Variants in SCMH1 observed in about 807,000 individuals in gnomAD.
SCMH1 encodes the protein Scm polycomb group protein homolog 1, also known as polycomb protein SCMH1.
A neutral mutation model predicts 70.8 loss-of-function variants in SCMH1; 37 were observed. That is an observed-to-expected ratio of 0.52 (90% confidence interval 0.40 to 0.69). The LOEUF (loss-of-function observed/expected upper bound fraction) is 0.69. Among genes scored for constraint, SCMH1 ranks in the 30% least tolerant of loss-of-function variants. The pLI, the probability that SCMH1 is intolerant of heterozygous loss-of-function variation, is 0.00. For missense variants in SCMH1, 607 were observed against 827.3 expected, an observed-to-expected ratio of 0.73 and a Z score of 3.27; for synonymous variants, 292 against 307.4, an observed-to-expected ratio of 0.95 and a Z score of 0.52.
At chr1:41,068,506 A>C (rs1357497863) in intron 10 of SCMH1, among the ~76,000 whole-genome samples, 1 of 152,158 alleles carries the variant, frequency 6.6e-6, no homozygotes, top group Non-Finnish European at 1.5e-5. Flanking sequence ...CCTCGGCTCA[A>C]GCAGTTCTCA....
chr1:41,227,870 T>C (rs1660569625), intron 1 of SCMH1, among the ~76,000 whole-genome samples: 1 of 151,928 alleles, frequency 6.6e-6, no homozygotes, highest in Non-Finnish European at 1.5e-5. Context: ...CCCAGCTACT[T>C]GGGAGGCTGA....
intron 10 of SCMH1, among the ~76,000 whole-genome samples, chr1:41,054,839 G>T (rs77213736): frequency 0.011 from 1,613 of 152,274 alleles, 36 homozygotes; most frequent in African/African-American, 0.036. Flanking sequence ...GAGTGCAGTG[G>T]CATGCATGAT....
intron 6 of SCMH1, among the ~76,000 whole-genome samples, chr1:41,137,319 C>T (rs1490315737): frequency 6.6e-6 from 1 of 152,104 alleles, no homozygotes; most frequent in Non-Finnish European, 1.5e-5. Flanking sequence ...TGTTTATTAT[C>T]ATCGTGTTTT....
At chr1:41,123,251 A>T (rs1672383751) in intron 6 of SCMH1, among the ~76,000 whole-genome samples, 1 of 152,222 alleles carries the variant, frequency 6.6e-6, no homozygotes, top group Non-Finnish European at 1.5e-5. Context: ...GTGGAGCAGC[A>T]GGACTATAAT....
chr1:41,215,642 A>T (rs983696175), intron 1 of SCMH1, among the ~76,000 whole-genome samples: 2 of 152,130 alleles, frequency 1.3e-5, no homozygotes, highest in Non-Finnish European at 2.9e-5. Flanking sequence ...CTCAGAAATC[A>T]ATGAGTCCCC....
At chr1:41,150,689 C>A (rs1644991209) in intron 5 of SCMH1, among the ~76,000 whole-genome samples, 2 of 152,116 alleles carry the variant, frequency 1.3e-5, no homozygotes, top group African/African-American at 4.8e-5. Context: ...GTAATCCCAG[C>A]ACTTTGGGAG....
chr1:41,120,349 C>G (rs757490058), intron 6 of SCMH1, among the ~76,000 whole-genome samples: 1 of 152,102 alleles, frequency 6.6e-6, no homozygotes, highest in Non-Finnish European at 1.5e-5. Flanking sequence ...CCATTTCTTA[C>G]TCAATATTTG....
chr1:41,038,523 G>T (rs9326087), intron 12 of SCMH1, among the ~76,000 whole-genome samples: 129,432 of 152,236 alleles, frequency 0.85, 55,530 homozygotes, highest in East Asian at 0.97. Context: ...TTGAGCACAT[G>T]GTTTGGCACA....
chr1:41,192,649 G>A (rs1652007212), intron 1 of SCMH1, among the ~76,000 whole-genome samples: 1 of 152,092 alleles, frequency 6.6e-6, no homozygotes, highest in Non-Finnish European at 1.5e-5. Context: ...CAGGCCCGGA[G>A]TGTTTACTTC....
At chr1:41,076,372 A>G (rs1453140363) in intron 8 of SCMH1, among the ~76,000 whole-genome samples, 1 of 152,116 alleles carries the variant, frequency 6.6e-6, no homozygotes, top group East Asian at 1.9e-4. Context: ...TTTTTCCTTA[A>G]ACTGAGAATT....
At chr1:41,237,424 A>T (rs1662606510) in intron 1 of SCMH1, among the ~76,000 whole-genome samples, 1 of 152,196 alleles carries the variant, frequency 6.6e-6, no homozygotes, top group Non-Finnish European at 1.5e-5. Flanking sequence ...CGTTTATTGC[A>T]AACAAAAATT....
chr1:41,073,255 T>C (rs1190274294), intron 9 of SCMH1, among the ~76,000 whole-genome samples: 2 of 152,192 alleles, frequency 1.3e-5, no homozygotes, highest in African/African-American at 2.4e-5. Context: ...CATTTTGGGA[T>C]AGATTTAACT....
chr1:41,062,709 A>G (rs1359774840), intron 10 of SCMH1, among the ~76,000 whole-genome samples: 1 of 151,324 alleles, frequency 6.6e-6, no homozygotes, highest in Non-Finnish European at 1.5e-5. Context: ...ACTGCACTCC[A>G]GCCTGGGGGA....
At chr1:41,184,472 A>T (rs183878502) in intron 2 of SCMH1, among the ~76,000 whole-genome samples, 1 of 152,194 alleles carries the variant, frequency 6.6e-6, no homozygotes, top group Non-Finnish European at 1.5e-5. Context: ...TCATTCAACA[A>T]ATATTTATTA....
At chr1:41,195,408 T>C (rs980672070) in intron 1 of SCMH1, among the ~76,000 whole-genome samples, 2 of 151,872 alleles carry the variant, frequency 1.3e-5, no homozygotes, top group African/African-American at 4.8e-5. Context: ...TAAGGATGGT[T>C]CAACATATGA....
intron 8 of SCMH1, among the ~76,000 whole-genome samples, chr1:41,097,925 T>C (rs1665535560): frequency 6.6e-6 from 1 of 152,242 alleles, no homozygotes; most frequent in South Asian, 2.1e-4. Context: ...GATTTCAGTT[T>C]CTTGACATAG....
At position 41,113,624 on chromosome 1, in the gene SCMH1, C is replaced by T. The variant is rs2147861143; in HGVS notation, c.502-98G>A. 4 of 1,328,538 alleles carry T rather than the reference C, an allele frequency of 3.0e-6. No homozygotes were observed. Among genetic ancestry groups the T allele is most frequent in the Non-Finnish European group, 4.1e-6 (4 of 979,208 alleles). The allele number at this position is 1,328,538 out of a possible 1,614,324, so 82.3% of individuals were successfully genotyped here. ...TTGGATGATTAAAAAGTGACTGCTACATGAGACTTATAATGGATATATAGC... is the reference window on the plus strand; with the variant it reads ...TTGGATGATTAAAAAGTGACTGCTATATGAGACTTATAATGGATATATAGC... On this transcript the variant is annotated intron_variant, in intron 7 of 14. Coordinates refer to ENST00000337495, the Ensembl canonical transcript of SCMH1. The surrounding 1 kb of genome is among the most constrained non-coding windows in gnomAD (Gnocchi z 4.3).
At chr1:41,196,680 A>G (rs1431231018) in intron 1 of SCMH1, among the ~76,000 whole-genome samples, 1 of 152,186 alleles carries the variant, frequency 6.6e-6, no homozygotes, top group African/African-American at 2.4e-5. Flanking sequence ...ACAGGCAACA[A>G]AACAGAAAAC....
chr1:41,162,516 AAGCCCCAGGATC>A (rs764688364), intron 2 of SCMH1, among the ~76,000 whole-genome samples: 2 of 152,024 alleles, frequency 1.3e-5, no homozygotes, highest in Non-Finnish European at 2.9e-5. Context: ...AGGTCCATAA[AAGCCCCAGGATC>A]AGCCCCAGAG....
Sources: gnomAD v4.1 joint callset for allele counts (sites outside exome capture counted in the v4.1 genomes callset) on GRCh38, gnomAD v4.1.1 for gene constraint, Gnocchi (gnomAD v3.1) non-coding constraint, MANE v1.5 for transcripts, NCBI Gene and HGNC (gene_info 2026-07-23, HGNC 2026-07-21) for gene names.